ROCK2: variants seen among roughly 807,000 people sequenced by gnomAD.
ROCK2 encodes Rho associated coiled-coil containing protein kinase 2, also known as rho-associated protein kinase 2.
In ROCK2, 61 loss-of-function variants were observed where a neutral mutation model predicts 195.1. The observed-to-expected ratio is 0.31, with a 90% CI of 0.25 to 0.39. ROCK2 has a LOEUF of 0.39. Among genes scored for constraint, ROCK2 ranks in the 10% least tolerant of loss-of-function variants. The pLI is 1.00. For synonymous variants in ROCK2, 504 were observed against 545.5 expected (o/e 0.92, Z 1.06); for missense variants, 1,109 against 1,637.4 (o/e 0.68, Z 5.57).
intron 6 of ROCK2, among the ~76,000 whole-genome samples, chr2:11,225,159 C>T (rs1336484587): frequency 6.6e-6 from 1 of 152,106 alleles, no homozygotes; most frequent in East Asian, 1.9e-4. Context: ...AAGAAATGGT[C>T]TCCCCATGCA....
In ROCK2 at chr2:11,238,002, C is replaced by T. The variant is rs190510519; in HGVS notation, c.463-2040G>A. ...CTGAGGTGGGAGAATTGCTGGAACC[C>T]GGGAGGCAGAGGTTGCACTGAGCCG... On this transcript the variant is annotated intron_variant, in intron 4 of 32. Coordinates refer to ENST00000315872, the MANE Select transcript of ROCK2 (RefSeq NM_004850.5). 1.3e-3 allele frequency among the ~76,000 whole-genome samples: 192 copies of T among 152,236 alleles called. 1 individual carries two copies. The highest frequency in any genetic ancestry group is 6.8e-3 in the Middle Eastern group (2 of 294).
chr2:11,188,618 TTTTTA>T (rs1478318525), intron 32 of ROCK2, among the ~76,000 whole-genome samples: 1 of 113,042 alleles, frequency 8.8e-6, no homozygotes, highest in African/African-American at 2.6e-5. Context: ...TCTTATTTTA[TTTTTA>T]TTTTTTTATT....
At chr2:11,205,821 A>C (rs1433182460) in intron 20 of ROCK2, among the ~76,000 whole-genome samples, 3 of 152,092 alleles carry the variant, frequency 2.0e-5, no homozygotes, top group Non-Finnish European at 4.4e-5. Flanking sequence ...TTAATCAAGG[A>C]TTGGGGGCCG....
chr2:11,187,972 A>C (rs1041614009), intron 32 of ROCK2, among the ~76,000 whole-genome samples: 1 of 152,160 alleles, frequency 6.6e-6, no homozygotes, highest in African/African-American at 2.4e-5. Flanking sequence ...TACACTTCTT[A>C]AAACTCGGTA....
intron 4 of ROCK2, among the ~76,000 whole-genome samples, chr2:11,243,467 AT>A: frequency 6.6e-6 from 1 of 152,216 alleles, no homozygotes; most frequent in South Asian, 2.1e-4. Context: ...AATATGGTAA[AT>A]CAAAATTATA....
At chr2:11,218,580 A>G (rs1002077508) in intron 10 of ROCK2, 114 bp from the exon 11 acceptor site, 48 of 692,530 alleles carry the variant, frequency 6.9e-5, no homozygotes, top group Non-Finnish European at 1.0e-4. Flanking sequence ...TTTAGCTTTC[A>G]TAAGTTTGAA....
chr2:11,206,655 A>G (rs569481100), intron 20 of ROCK2, among the ~76,000 whole-genome samples: 2 of 152,354 alleles, frequency 1.3e-5, no homozygotes, highest in African/African-American at 2.4e-5. Context: ...AGTCTTACTG[A>G]CCTGTCACAG....
rs1662984422 is a variant in ROCK2 at position 11,181,369 on chromosome 2, AT to A, written c.*2067del. On this transcript the variant is annotated 3_prime_UTR_variant, in exon 33 of 33. Coordinates refer to ENST00000315872, the MANE Select transcript of ROCK2 (RefSeq NM_004850.5). The stretch of plus-strand genomic sequence containing the variant: ...TTTTAATCTTACTTAAAAAAGAGCT[AT>A]CCCCCAAAACCAGAGCTGCAGAACA... 6.6e-6 allele frequency: 1 copy of A among 151,658 alleles called. No homozygotes were observed. Among genetic ancestry groups the A allele is most frequent in the Non-Finnish European group, 1.5e-5 (1 of 67,950 alleles). The allele number at this position is 151,658 out of a possible 1,614,324, so 9.4% of individuals were successfully genotyped here.
At chr2:11,189,483 C>T (rs1663332611) in intron 32 of ROCK2, among the ~76,000 whole-genome samples, 1 of 152,182 alleles carries the variant, frequency 6.6e-6, no homozygotes, top group Non-Finnish European at 1.5e-5. Flanking sequence ...GGTTCTTCTT[C>T]TAATACATCT....
chr2:11,307,931 CCTGT>C, intron 1 of ROCK2: 1 of 1,416,914 alleles, frequency 7.1e-7, no homozygotes, highest in Non-Finnish European at 9.3e-7. Context: ...TCCTCCTGGC[CCTGT>C]TAATGTCAGG....
intron 4 of ROCK2, among the ~76,000 whole-genome samples, chr2:11,242,362 A>C (rs1026084581): frequency 6.6e-6 from 1 of 152,116 alleles, no homozygotes; most frequent in Non-Finnish European, 1.5e-5. Context: ...AACATACTAT[A>C]AAAGGAGTCA....
chr2:11,317,576 T>TTATATATCTATATATATCTATA (rs1668237737), intron 1 of ROCK2, among the ~76,000 whole-genome samples: 2 of 29,584 alleles, frequency 6.8e-5, no homozygotes, highest in African/African-American at 3.1e-4. Context: ...ATCTACACAT[T>TTATATATCTATATATATCTATA]TATATATATA....
intron 3 of ROCK2, among the ~76,000 whole-genome samples, chr2:11,268,522 CTGTGTGTGTGTGTGTGTG>C (rs70953378): frequency 1.4e-5 from 2 of 140,554 alleles, no homozygotes; most frequent in African/African-American, 2.6e-5. Flanking sequence ...CAGTTTTGCA[CTGTGTGTGTGTGTGTGTG>C]TGTGTGTGTG....
chr2:11,275,858 C>A (rs1666808056), intron 3 of ROCK2, among the ~76,000 whole-genome samples: 1 of 152,222 alleles, frequency 6.6e-6, no homozygotes, highest in Admixed American at 6.5e-5. Context: ...TGCCACCACA[C>A]TCGGCTAATT....
chr2:11,330,926 GA>G (rs1426329891), intron 1 of ROCK2, among the ~76,000 whole-genome samples: 12 of 930 alleles, frequency 0.013, no homozygotes, highest in African/African-American at 0.01. Context: ...GGGAGGAGGA[GA>G]GGAGGAGGGA....
chr2:11,262,928 A>T (rs1317968949), intron 3 of ROCK2, among the ~76,000 whole-genome samples: 2 of 152,166 alleles, frequency 1.3e-5, no homozygotes, highest in Non-Finnish European at 2.9e-5. Flanking sequence ...AGATCCAATG[A>T]ATCTACTTGA....
At chr2:11,208,207 T>C in intron 19 of ROCK2, 80 bp downstream of exon 19, 1 of 939,624 alleles carries the variant, frequency 1.1e-6, no homozygotes, top group Non-Finnish European at 1.4e-6. Flanking sequence ...TTTAAAATTA[T>C]GAAACCATCA....
intron 1 of ROCK2, among the ~76,000 whole-genome samples, chr2:11,322,180 G>A (rs1042702460): frequency 1.4e-4 from 22 of 152,032 alleles, no homozygotes; most frequent in African/African-American, 4.6e-4. Context: ...ATAAATTTCC[G>A]TTATTTAAGC....
At position 11,274,843 on chromosome 2, in the gene ROCK2, C is replaced by T. The variant is rs899265194; in HGVS notation, c.324+11696G>A. ...TCCTCAGGAAATACATTCCAAGACC[C>T]CAGTGGTTACCTGAAACCATGGAGA... On this transcript the variant is annotated intron_variant, in intron 3 of 32. Coordinates refer to ENST00000315872, the MANE Select transcript of ROCK2 (RefSeq NM_004850.5). Among the ~76,000 whole-genome samples the T allele has an allele frequency of 7.9e-5, 12 of 152,294 alleles. No individual in the cohort carries two copies. In the East Asian group the frequency reaches 2.3e-3, roughly 29 times the overall value.
Sources: allele counts gnomAD v4.1 joint callset (sites outside exome capture counted in the v4.1 genomes callset), GRCh38; gene constraint gnomAD v4.1.1; transcripts MANE v1.5; gene names NCBI Gene and HGNC (gene_info 2026-07-23, HGNC 2026-07-21).